The following RAB12 variants were observed in gnomAD, a reference collection of about 807,000 sequenced individuals.
RAB12 encodes RAB12, member RAS oncogene family, also known as ras-related protein Rab-12.
A neutral mutation model predicts 28.4 loss-of-function variants in RAB12; 11 were observed. That is an observed-to-expected ratio of 0.39 (90% CI 0.24 to 0.64). The LOEUF is 0.64. Among genes scored for constraint, RAB12 ranks in the 30% least tolerant of loss-of-function variants. RAB12 has a pLI of 0.50. For synonymous variants in RAB12, 138 were observed against 145.3 expected (o/e 0.95, Z 0.36); for missense variants, 276 against 351.1 (o/e 0.79, Z 1.71).
At chr18:8,612,456 A>G (rs574487997) in intron 1 of RAB12, among the ~76,000 whole-genome samples, 2 of 152,202 alleles carry the variant, frequency 1.3e-5, no homozygotes, top group South Asian at 4.1e-4. Context: ...AGTGCAGTGA[A>G]TTCCATATAG....
chr18:8,639,144 G>GTTTTTTTTTTTTTTTTTTTTTTTTTTTTT lies in RAB12; in HGVS notation c.*884_*885insTTTTTTTTTTTTTTTTTTTTTTTTTTTTT, dbSNP rs1598315808. On this transcript the variant is annotated 3_prime_UTR_variant, in exon 6 of 6. Transcript: ENST00000649141. ...CTTATTCTGATTAAGCCTAGACTGT[G>GTTTTTTTTTTTTTTTTTTTTTTTTTTTTT]TTCTTTTTTTTTTTTTTTTTTTTTT... is the stretch of plus-strand genomic sequence containing the variant. 3 of 16,558 alleles carry GTTTTTTTTTTTTTTTTTTTTTTTTTTTTT rather than the reference G, an allele frequency of 1.8e-4. No homozygotes were observed. Among genetic ancestry groups the GTTTTTTTTTTTTTTTTTTTTTTTTTTTTT allele is most frequent in the Non-Finnish European group, 2.6e-4 (2 of 7,628 alleles). 1.0% of individuals were successfully genotyped at this position (16,558 alleles called of 1,614,324 possible).
chr18:8,632,001 G>A (rs72938803), intron 2 of RAB12, among the ~76,000 whole-genome samples: 3,649 of 152,262 alleles, frequency 0.024, 70 homozygotes, highest in South Asian at 0.074. Context: ...AGTAATTGGA[G>A]GCTGGGCTGG....
At chr18:8,623,952 C>T (rs1375309125) in intron 1 of RAB12, among the ~76,000 whole-genome samples, 9 of 152,252 alleles carry the variant, frequency 5.9e-5, no homozygotes, top group Admixed American at 5.9e-4. Flanking sequence ...CTTCCACTTC[C>T]CCTCAAGAGC....
chr18:8,611,072 A>G (rs1312191285), intron 1 of RAB12, among the ~76,000 whole-genome samples: 1 of 152,190 alleles, frequency 6.6e-6, no homozygotes, highest in East Asian at 1.9e-4. Flanking sequence ...GTTTGTTTTC[A>G]AGAACTTACT....
intron 3 of RAB12, among the ~76,000 whole-genome samples, chr18:8,634,500 A>G (rs1413490200): frequency 6.6e-6 from 1 of 152,128 alleles, no homozygotes; most frequent in African/African-American, 2.4e-5. Context: ...CAGTCCTCAT[A>G]GTCTAAAACT....
chr18:8,633,718 G>A (rs978910943), intron 3 of RAB12, among the ~76,000 whole-genome samples: 2 of 152,266 alleles, frequency 1.3e-5, no homozygotes, highest in African/African-American at 4.8e-5. Flanking sequence ...CGGTGCCTGC[G>A]GATGTCCCAC....
rs1261810262 is a variant in RAB12, at chr18:8,639,207, T to TTTG, written c.*947_*949dup. The TTTG allele has an allele frequency of 7.0e-6, 1 of 143,680 alleles. No homozygotes were observed. Among genetic ancestry groups the TTTG allele is most frequent in the Non-Finnish European group, 1.5e-5 (1 of 66,462 alleles). 8.9% of individuals were successfully genotyped at this position (143,680 alleles called of 1,614,324 possible). ...TTTTTTTTTTTGGTCTGATGATGAATTTGTGAACTCTATCTTTGGTATATC... is the reference window on the plus strand; with the variant it reads ...TTTTTTTTTTTGGTCTGATGATGAATTTGTTGTGAACTCTATCTTTGGTATATC... On this transcript the variant is annotated 3_prime_UTR_variant, in exon 6 of 6. Coordinates refer to ENST00000649141, the MANE Select transcript of RAB12 (RefSeq NM_001025300.3).
At chr18:8,616,712 A>G (rs2096006870) in intron 1 of RAB12, among the ~76,000 whole-genome samples, 1 of 151,982 alleles carries the variant, frequency 6.6e-6, no homozygotes, top group Non-Finnish European at 1.5e-5. Flanking sequence ...TTTACTTAAA[A>G]AGAAAAAAGA....
intron 1 of RAB12, among the ~76,000 whole-genome samples, chr18:8,624,602 C>A (rs2096011677): frequency 6.6e-6 from 1 of 152,164 alleles, no homozygotes; most frequent in South Asian, 2.1e-4. Context: ...TTTAAAGCCA[C>A]TTATTTGTTG....
At chr18:8,632,983 T>C (rs2096016871) in intron 2 of RAB12, 2 of 574,068 alleles carry the variant, frequency 3.5e-6, no homozygotes, top group African/African-American at 3.8e-5. Flanking sequence ...TTGTTAAATA[T>C]AAAGGTATTT....
chr18:8,630,317 T>G (rs2096015193), intron 2 of RAB12, among the ~76,000 whole-genome samples: 3 of 152,214 alleles, frequency 2.0e-5, no homozygotes, highest in African/African-American at 7.2e-5. Context: ...ATAGGTAGAT[T>G]TAAACATATT....
chr18:8,616,633 A>G (rs1268210593), intron 1 of RAB12, among the ~76,000 whole-genome samples: 3 of 152,140 alleles, frequency 2.0e-5, no homozygotes, highest in Non-Finnish European at 2.9e-5. Flanking sequence ...TGTGTGTGGT[A>G]GGACCTCAAC....
intron 2 of RAB12, among the ~76,000 whole-genome samples, chr18:8,631,958 C>T (rs551745388): frequency 6.6e-6 from 1 of 151,998 alleles, no homozygotes; most frequent in African/African-American, 2.4e-5. Flanking sequence ...TATGAAAATT[C>T]TTGTTTTCTA....
chr18:8,616,594 C>T (rs1031118589), intron 1 of RAB12, among the ~76,000 whole-genome samples: 1 of 152,094 alleles, frequency 6.6e-6, no homozygotes, highest in Non-Finnish European at 1.5e-5. Context: ...TTGTGTTTTT[C>T]GCTGGCTTCC....
chr18:8,611,923 C>T (rs1180840789), intron 1 of RAB12, among the ~76,000 whole-genome samples: 2 of 152,220 alleles, frequency 1.3e-5, no homozygotes, highest in African/African-American at 2.4e-5. Flanking sequence ...GTGCGTGCTT[C>T]TAACTGTGGG....
intron 1 of RAB12, among the ~76,000 whole-genome samples, chr18:8,611,110 A>G (rs529823973): frequency 1.3e-5 from 2 of 152,278 alleles, no homozygotes; most frequent in South Asian, 4.1e-4. Context: ...GGAATAGATC[A>G]TTTTGGAAAT....
At chr18:8,623,942 C>T (rs890725933) in intron 1 of RAB12, among the ~76,000 whole-genome samples, 3 of 152,246 alleles carry the variant, frequency 2.0e-5, no homozygotes, top group Admixed American at 2.0e-4. Context: ...GGTCACATGT[C>T]TTCCACTTCC....
chr18:8,621,782 C>G (rs1337665270), intron 1 of RAB12, among the ~76,000 whole-genome samples: 2 of 149,364 alleles, frequency 1.3e-5, no homozygotes, highest in African/African-American at 4.9e-5. Flanking sequence ...ACCCATCACC[C>G]TCAGGTAGGC....
chr18:8,618,029 C>T (rs1286728770), intron 1 of RAB12, among the ~76,000 whole-genome samples: 3 of 152,218 alleles, frequency 2.0e-5, no homozygotes, highest in East Asian at 1.9e-4. Flanking sequence ...AATTCTCATA[C>T]GTGTGTACAC....
Sources: allele counts gnomAD v4.1 joint callset (sites outside exome capture counted in the v4.1 genomes callset), GRCh38; gene constraint gnomAD v4.1.1; transcripts MANE v1.5; gene names NCBI Gene and HGNC (gene_info 2026-07-23, HGNC 2026-07-21).